TRABD2A: variants seen among roughly 807,000 people sequenced by gnomAD.
TRABD2A encodes metalloprotease TIKI1.
TRABD2A carries 43 observed loss-of-function variants against 45.6 expected under a neutral mutation model. The observed-to-expected ratio is 0.94, with a 90% CI of 0.74 to 1.22. TRABD2A has a LOEUF of 1.22. Ranked by LOEUF, TRABD2A falls within the 50% of genes most tolerant of loss-of-function variation. TRABD2A has a pLI of 0.00. For synonymous variants in TRABD2A, 269 were observed against 265.0 expected (o/e 1.02, Z -0.15); for missense variants, 642 against 652.4 (o/e 0.98, Z 0.17).
intron 2 of TRABD2A, among the ~76,000 whole-genome samples, chr2:84,847,092 G>A (rs1270588267): frequency 6.6e-6 from 1 of 152,228 alleles, no homozygotes; most frequent in Non-Finnish European, 1.5e-5. Flanking sequence ...GCCATCTGTG[G>A]AGCTAGAGGA....
intron 3 of TRABD2A, among the ~76,000 whole-genome samples, chr2:84,839,558 T>C (rs763091562): frequency 1.2e-4 from 19 of 152,010 alleles, no homozygotes; most frequent in Non-Finnish European, 2.5e-4. Flanking sequence ...TATTTACAAC[T>C]GCACTTCTGT....
chr2:84,870,029 GT>G lies in TRABD2A; in HGVS notation c.669+195del, dbSNP rs925750591. On this transcript the variant is annotated intron_variant, in intron 2 of 6. Coordinates refer to ENST00000409520, the MANE Select transcript of TRABD2A (RefSeq NM_001277053.2). Reference sequence around the variant, plus strand: ...TGTTGGAATGATAAGAAAAAAACAAGTTTTTTTTCTTGGCAATACTCAAATA... The same window carrying G: ...TGTTGGAATGATAAGAAAAAAACAAGTTTTTTTCTTGGCAATACTCAAATA... Among the ~76,000 whole-genome samples the G allele has an allele frequency of 4.8e-5, 7 of 144,588 alleles. 1 individual carries two copies. In the South Asian group the frequency reaches 1.5e-3, roughly 32 times the overall value. The allele number at this position is 144,588 out of a possible 152,430, so 94.9% of individuals were successfully genotyped here. A position where few individuals can be genotyped will look rare whatever the true frequency, so the allele number is the denominator to read the frequency against.
chr2:84,857,317 CA>C (rs2105396215), intron 2 of TRABD2A, among the ~76,000 whole-genome samples: 1 of 152,336 alleles, frequency 6.6e-6, no homozygotes, highest in East Asian at 1.9e-4. Context: ...AGAAGGTCTC[CA>C]TTCTTGTAAC....
At position 84,841,936 on chromosome 2, in the gene TRABD2A, G is replaced by A. The variant is rs1394592810; in HGVS notation, c.741C>T (p.Tyr247=). ...SLRAGSLQIP[Y]TTEDLIKHYN... ...AGTGTTTGATGAGATCCTCCGTCGT[G>A]TAGGGGATCTGAAGACTGCCTGCTC... Residue 247 remains tyrosine, a synonymous_variant, in exon 3 of 7, where the codon TAC becomes TAT. Coordinates refer to ENST00000409520, the MANE Select transcript of TRABD2A (RefSeq NM_001277053.2). 2 of 1,548,840 alleles carry A rather than the reference G, an allele frequency of 1.3e-6. No homozygotes were observed. The highest frequency in any genetic ancestry group is 1.4e-5 in the African/African-American group (1 of 73,118).
chr2:84,826,531 C>CTTTTG (rs964727390), intron 5 of TRABD2A, among the ~76,000 whole-genome samples: 4 of 152,096 alleles, frequency 2.6e-5, no homozygotes, highest in East Asian at 1.9e-4. Context: ...TCTATGCCAT[C>CTTTTG]TTTTGTTTTG....
At chr2:84,855,087 G>A (rs574617289) in intron 2 of TRABD2A, among the ~76,000 whole-genome samples, 2 of 152,150 alleles carry the variant, frequency 1.3e-5, no homozygotes, top group South Asian at 4.2e-4. Flanking sequence ...TCGATGATAT[G>A]GCACTGGCTG....
At chr2:84,856,951 A>T (rs1437784613) in intron 2 of TRABD2A, among the ~76,000 whole-genome samples, 1 of 152,140 alleles carries the variant, frequency 6.6e-6, no homozygotes, top group African/African-American at 2.4e-5. Flanking sequence ...CGGGGCCCTG[A>T]CCCAACAGGA....
chr2:84,879,003 T>C (rs574138036), intron 1 of TRABD2A, among the ~76,000 whole-genome samples: 30 of 152,328 alleles, frequency 2.0e-4, no homozygotes, highest in Non-Finnish European at 4.0e-4. Flanking sequence ...ACTGTTTTTA[T>C]AAAACTAAGA....
At chr2:84,856,746 C>T (rs1167505816) in intron 2 of TRABD2A, among the ~76,000 whole-genome samples, 1 of 152,096 alleles carries the variant, frequency 6.6e-6, no homozygotes, top group African/African-American at 2.4e-5. Context: ...CATCTCCTGA[C>T]CATTTTTTCT....
intron 4 of TRABD2A, chr2:84,832,966 G>A (rs1266697503): frequency 6.6e-6 from 1 of 152,228 alleles, no homozygotes; most frequent in Non-Finnish European, 1.5e-5. Flanking sequence ...CATTCTTGGA[G>A]GTTTCTGCAT....
chr2:84,823,859 G>A (rs758030154), intron 6 of TRABD2A, 94 bp downstream of exon 6: 7 of 1,518,706 alleles, frequency 4.6e-6, no homozygotes, highest in Non-Finnish European at 5.3e-6. Flanking sequence ...GCTCCATGAG[G>A]GGGGCTCCCA....
At chr2:84,845,579 A>G (rs1004233849) in intron 2 of TRABD2A, among the ~76,000 whole-genome samples, 4 of 152,084 alleles carry the variant, frequency 2.6e-5, no homozygotes, top group African/African-American at 9.7e-5. Flanking sequence ...GCGGGGGAAG[A>G]AGGGTAGCAA....
intron 4 of TRABD2A, chr2:84,836,986 G>GTTTTGT (rs1681533202): frequency 2.3e-5 from 2 of 85,994 alleles, no homozygotes; most frequent in African/African-American, 9.8e-5. Context: ...TAATTTTAGG[G>GTTTTGT]TTTTTTTTTT....
At chr2:84,871,398 C>A (rs367773572) in intron 1 of TRABD2A, among the ~76,000 whole-genome samples, 2 of 152,194 alleles carry the variant, frequency 1.3e-5, no homozygotes, top group Non-Finnish European at 2.9e-5. Context: ...ACTGGAATCA[C>A]CCCCAAAGCT....
At chr2:84,854,604 A>G (rs946218058) in intron 2 of TRABD2A, among the ~76,000 whole-genome samples, 1 of 152,194 alleles carries the variant, frequency 6.6e-6, no homozygotes, top group Admixed American at 6.5e-5. Context: ...GAAACTGCAC[A>G]GAATAACAGG....
rs1033732931 is a variant in TRABD2A, at chr2:84,880,786, G to A, written c.108+146C>T. On this transcript the variant is annotated intron_variant, in intron 1 of 6. Transcript: ENST00000409520. ...AACCCGAGGGCACGGAGAGGAGAGC[G>A]AGCAAGGAGCGCCGCGGTGCTAGGT... 15 of 1,254,452 alleles carry A rather than the reference G, an allele frequency of 1.2e-5. No homozygotes were observed. The African/African-American group carries it at 1.2e-4, about 10-fold the overall frequency. 77.7% of individuals were successfully genotyped at this position (1,254,452 alleles called of 1,614,324 possible). A position where few individuals can be genotyped will look rare whatever the true frequency, so the allele number is the denominator to read the frequency against.
intron 5 of TRABD2A, among the ~76,000 whole-genome samples, chr2:84,826,784 G>A (rs1367403194): frequency 6.6e-6 from 1 of 152,146 alleles, no homozygotes; most frequent in African/African-American, 2.4e-5. Flanking sequence ...CACCCACCTT[G>A]GCCTCCCAAA....
intron 2 of TRABD2A, among the ~76,000 whole-genome samples, chr2:84,858,289 C>A (rs137855114): frequency 6.7e-6 from 1 of 148,296 alleles, no homozygotes; most frequent in East Asian, 2.0e-4. Context: ...CCACCAGACC[C>A]CTACACAAAT....
intron 2 of TRABD2A, among the ~76,000 whole-genome samples, chr2:84,845,481 C>CT (rs1171116113): frequency 6.6e-6 from 1 of 151,810 alleles, no homozygotes; most frequent in Non-Finnish European, 1.5e-5. Context: ...AGTGACCTGG[C>CT]TAATGGTGTT....
Sources: allele counts gnomAD v4.1 joint callset (sites outside exome capture counted in the v4.1 genomes callset), GRCh38; gene constraint gnomAD v4.1.1; transcripts MANE v1.5; gene names NCBI Gene and HGNC (gene_info 2026-07-23, HGNC 2026-07-21).